FOCAD: variants seen among roughly 807,000 people sequenced by gnomAD.
The protein encoded by FOCAD is focadhesin, also known as KIAA1797.
FOCAD carries 198 observed loss-of-function variants against 225.6 expected under a neutral mutation model. That is an observed-to-expected ratio of 0.88 (90% confidence interval 0.78 to 0.99). FOCAD has a LOEUF of 0.99. Among genes scored for constraint, FOCAD ranks in the 50% least tolerant of loss-of-function variants. FOCAD has a pLI of 0.00. For missense variants in FOCAD, 2,713 were observed against 2,123.6 expected (o/e 1.28, Z -5.46); for synonymous variants, 897 against 755.0 (o/e 1.19, Z -3.08).
chr9:20,862,419 TATTTC>T (rs1828854051), intron 15 of FOCAD, among the ~76,000 whole-genome samples, 154 bp from the exon 16 acceptor site: 1 of 152,198 alleles, frequency 6.6e-6, no homozygotes, highest in South Asian at 2.1e-4. Flanking sequence ...TGGTTTAAGT[TATTTC>T]ATTTGAGGGG....
intron 15 of FOCAD, among the ~76,000 whole-genome samples, chr9:20,824,735 A>G: frequency 6.6e-6 from 1 of 152,118 alleles, no homozygotes; most frequent in East Asian, 1.9e-4. Flanking sequence ...ATACACAAAA[A>G]AGACCTAGTG....
chr9:20,714,252 C>T (rs770924599), intron 1 of FOCAD, among the ~76,000 whole-genome samples: 8 of 152,126 alleles, frequency 5.3e-5, no homozygotes, highest in Non-Finnish European at 1.0e-4. Flanking sequence ...CACGTCAGTG[C>T]TCAAAAAGTT....
At chr9:20,884,660 G>A (rs897364448) in intron 20 of FOCAD, among the ~76,000 whole-genome samples, 1 of 151,696 alleles carries the variant, frequency 6.6e-6, no homozygotes, top group Non-Finnish European at 1.5e-5. Flanking sequence ...ATATATAAAT[G>A]GTCAAAAATC....
At chr9:20,987,853 C>T (rs1309512445) in intron 40 of FOCAD, among the ~76,000 whole-genome samples, 1 of 152,132 alleles carries the variant, frequency 6.6e-6, no homozygotes, top group African/African-American at 2.4e-5. Context: ...GGAAAAAAGT[C>T]AATATTGCTG....
chr9:20,718,784 T>C (rs1825550176), intron 3 of FOCAD, among the ~76,000 whole-genome samples: 1 of 152,222 alleles, frequency 6.6e-6, no homozygotes, highest in Non-Finnish European at 1.5e-5. Context: ...CAAATCCCTG[T>C]AACTGTTTCC....
chr9:20,737,737 A>G (rs528724932), intron 4 of FOCAD, among the ~76,000 whole-genome samples: 19 of 152,320 alleles, frequency 1.2e-4, no homozygotes, highest in African/African-American at 4.1e-4. Context: ...ATTTCATGGT[A>G]TCATTTAACA....
At chr9:20,883,148 G>T (rs1564109160) in intron 20 of FOCAD, among the ~76,000 whole-genome samples, 1 of 152,100 alleles carries the variant, frequency 6.6e-6, no homozygotes, top group African/African-American at 2.4e-5. Flanking sequence ...ACAGGACAAA[G>T]GAAGAAGCTG....
chr9:20,925,325 C>T (rs569193296), intron 25 of FOCAD, among the ~76,000 whole-genome samples: 2 of 152,060 alleles, frequency 1.3e-5, no homozygotes, highest in Non-Finnish European at 2.9e-5. Flanking sequence ...TGTTGAACTA[C>T]CAGTTATACA....
chr9:20,740,161 A>G, intron 4 of FOCAD, 75 bp from the exon 5 acceptor site: 3 of 950,846 alleles, frequency 3.2e-6, no homozygotes, highest in African/African-American at 3.3e-5. Context: ...ATTATTTTAA[A>G]ATGATAGGAT....
intron 5 of FOCAD, among the ~76,000 whole-genome samples, chr9:20,749,440 A>G (rs1467139229): frequency 1.3e-5 from 2 of 152,060 alleles, no homozygotes; most frequent in African/African-American, 4.8e-5. Flanking sequence ...TTTCCTTTTG[A>G]ATTATTATTT....
At chr9:20,713,422 A>T (rs553585305) in intron 1 of FOCAD, among the ~76,000 whole-genome samples, 1 of 152,308 alleles carries the variant, frequency 6.6e-6, no homozygotes, top group South Asian at 2.1e-4. Context: ...GTCTGTTCAC[A>T]TGCCACCCTC....
At chr9:20,755,041 G>A (rs1828926084) in intron 5 of FOCAD, among the ~76,000 whole-genome samples, 1 of 152,230 alleles carries the variant, frequency 6.6e-6, no homozygotes, top group South Asian at 2.1e-4. Context: ...TTATAGGTTA[G>A]TATACTTAGT....
chr9:20,846,203 G>GT (rs1827092914), intron 15 of FOCAD, among the ~76,000 whole-genome samples: 1 of 151,980 alleles, frequency 6.6e-6, no homozygotes, highest in Non-Finnish European at 1.5e-5. Context: ...GGTTTCTGAG[G>GT]GCTGAAACTA....
chr9:20,821,291 A>C (rs540023558), intron 14 of FOCAD, among the ~76,000 whole-genome samples: 240 of 152,138 alleles, frequency 1.6e-3, no homozygotes, highest in Non-Finnish European at 2.5e-3. Context: ...CTAGGTTCGT[A>C]GGATATTTAT....
chr9:20,966,870 A>G (rs1157496865), intron 35 of FOCAD, among the ~76,000 whole-genome samples: 1 of 152,084 alleles, frequency 6.6e-6, no homozygotes, highest in African/African-American at 2.4e-5. Flanking sequence ...AAATAAACCT[A>G]TGCACTGGTC....
intron 43 of FOCAD, among the ~76,000 whole-genome samples, chr9:20,994,108 T>G (rs1290698667): frequency 6.6e-6 from 1 of 152,244 alleles, no homozygotes; most frequent in Non-Finnish European, 1.5e-5. Flanking sequence ...CTAAACCTGT[T>G]CTTACACTGG....
chr9:20,988,517 ATTGGCAAAAACTGCAATTAC>A, intron 41 of FOCAD, 88 bp downstream of exon 41: 1 of 278,786 alleles, frequency 3.6e-6, no homozygotes, highest in Non-Finnish European at 7.1e-6. Flanking sequence ...TTTGCCATTA[ATTGGCAAAAACTGCAATTAC>A]TTTTGCACCA....
At position 20,819,796 on chromosome 9, in the gene FOCAD, G is replaced by A. The variant is rs775578067; in HGVS notation, c.1456G>A (p.Val486Met). 17 of 1,501,262 alleles carry A rather than the reference G, an allele frequency of 1.1e-5. No individual in the cohort carries two copies. The highest frequency in any genetic ancestry group is 1.2e-5 in the Non-Finnish European group (14 of 1,123,332). The allele number at this position is 1,501,262 out of a possible 1,614,324, so 93.0% of individuals were successfully genotyped here. A position where few individuals can be genotyped will look rare whatever the true frequency, so the allele number is the denominator to read the frequency against. Residue 486 changes from valine to methionine, a missense_variant and splice_region_variant, in exon 12 of 44, where the codon GTG becomes ATG. Transcript: ENST00000338382. Reference sequence around the variant, plus strand: ...AATATATTTTAAAAATTCATTTTAGGTGCCAAATCTGATTCCAGTTTTGAT... The same window carrying A: ...AATATATTTTAAAAATTCATTTTAGATGCCAAATCTGATTCCAGTTTTGAT... ...TELAQADSSQ[V>M]PNLIPVLMFK...
At chr9:20,994,494 T>A (rs535725174) in intron 43 of FOCAD, among the ~76,000 whole-genome samples, 9 of 152,336 alleles carry the variant, frequency 5.9e-5, no homozygotes, top group African/African-American at 2.2e-4. Flanking sequence ...ATGATCCATA[T>A]TTTACCTATT....
Sources: allele counts gnomAD v4.1 joint callset (sites outside exome capture counted in the v4.1 genomes callset), GRCh38; gene constraint gnomAD v4.1.1; transcripts MANE v1.5; gene names NCBI Gene and HGNC (gene_info 2026-07-23, HGNC 2026-07-21).